The following KLF12 variants were observed in gnomAD, a reference collection of about 807,000 sequenced individuals.
KLF12 encodes Krueppel-like factor 12.
In KLF12, 9 loss-of-function variants were observed where a neutral mutation model predicts 37.8. The observed-to-expected ratio is 0.24, with a 90% CI of 0.14 to 0.42. The LOEUF (loss-of-function observed/expected upper bound fraction) is 0.42. Among genes scored for constraint, KLF12 ranks in the 10% least tolerant of loss-of-function variants. The pLI, the probability that KLF12 is intolerant of heterozygous loss-of-function variation, is 1.00. For missense variants in KLF12, 411 were observed against 516.0 expected, an observed-to-expected ratio of 0.80 and a Z score of 1.97; for synonymous variants, 208 against 202.1, an observed-to-expected ratio of 1.03 and a Z score of -0.25.
intron 3 of KLF12, among the ~76,000 whole-genome samples, chr13:73,909,649 A>T (rs1888478260): frequency 6.6e-6 from 1 of 152,206 alleles, no homozygotes; most frequent in Non-Finnish European, 1.5e-5. Flanking sequence ...GGGAATTTTA[A>T]TAACTGTGAT....
chr13:73,726,583 A>G (rs1159118076), intron 6 of KLF12, among the ~76,000 whole-genome samples: 1 of 152,248 alleles, frequency 6.6e-6, no homozygotes, highest in Non-Finnish European at 1.5e-5. Context: ...ATCAGGGCTC[A>G]TCCACATTGT....
chr13:74,249,359 C>CAG, the KLF12 span, among the ~76,000 whole-genome samples: 1 of 132,014 alleles, frequency 7.6e-6, no homozygotes, highest in Non-Finnish European at 1.6e-5. Flanking sequence ...CACACACACA[C>CAG]ACACACACAC....
chr13:73,908,846 C>T (rs1888439059), intron 3 of KLF12, among the ~76,000 whole-genome samples: 1 of 152,172 alleles, frequency 6.6e-6, no homozygotes. Flanking sequence ...CTATCTGCCC[C>T]ACTCCTCAAA....
chr13:73,808,466 T>A (rs1882761617), intron 5 of KLF12, among the ~76,000 whole-genome samples: 1 of 152,182 alleles, frequency 6.6e-6, no homozygotes, highest in Admixed American at 6.5e-5. Flanking sequence ...CATAAATCTA[T>A]GTAAACAGAG....
chr13:73,720,039 T>C (rs1300690939), intron 6 of KLF12, among the ~76,000 whole-genome samples: 1 of 152,176 alleles, frequency 6.6e-6, no homozygotes, highest in African/African-American at 2.4e-5. Flanking sequence ...TTGCTTACAA[T>C]TAAATTTCTC....
intron 1 of KLF12, among the ~76,000 whole-genome samples, chr13:74,082,163 T>TAAAAAAAAAAAAAAAAAAA (rs57156299): frequency 2.9e-4 from 33 of 114,750 alleles, no homozygotes; most frequent in African/African-American, 1.1e-3. Context: ...CCCTGTCTCT[T>TAAAAAAAAAAAAAAAAAAA]AAAAAAAAAA....
chr13:73,946,099 T>A (rs1275428580), intron 2 of KLF12, among the ~76,000 whole-genome samples: 4 of 152,286 alleles, frequency 2.6e-5, no homozygotes, highest in African/African-American at 9.6e-5. Context: ...GCTCTAGGAA[T>A]CCACCTTAAC....
chr13:73,726,751 T>A (rs11841681), intron 6 of KLF12, among the ~76,000 whole-genome samples: 23,553 of 152,218 alleles, frequency 0.15, 3,032 homozygotes, highest in African/African-American at 0.35. Context: ...GCTATAAACA[T>A]TGTGAACAGT....
intron 6 of KLF12, among the ~76,000 whole-genome samples, chr13:73,716,536 T>C (rs570134822): frequency 3.9e-5 from 6 of 152,172 alleles, no homozygotes; most frequent in Non-Finnish European, 8.8e-5. Context: ...TAAAGATCAA[T>C]TCCCCCCTTG....
intron 2 of KLF12, among the ~76,000 whole-genome samples, chr13:73,954,426 C>CA (rs150423510): frequency 0.037 from 5,622 of 151,392 alleles, 326 homozygotes; most frequent in African/African-American, 0.13. Flanking sequence ...TGTATGTTTC[C>CA]AAAAAAAAGT....
rs769916933 is a variant in KLF12, at chr13:74,109,768, T to C, written c.-32+23971A>G. 1.2e-4 allele frequency among the ~76,000 whole-genome samples: 18 copies of C among 151,980 alleles called. 1 individual carries two copies. Among genetic ancestry groups the C allele is most frequent in the Non-Finnish European group, 2.9e-5 (2 of 67,986 alleles). On this transcript the variant is annotated intron_variant, in intron 1 of 7. Transcript: ENST00000377669. ...ACACCAACAATGACCACTTAAGAAATATAAAGAGCAAGGGGAACATTCACA... is the reference window on the plus strand; with the variant it reads ...ACACCAACAATGACCACTTAAGAAACATAAAGAGCAAGGGGAACATTCACA...
At chr13:74,184,194 T>TAA in the KLF12 span, among the ~76,000 whole-genome samples, 1 of 152,206 alleles carries the variant, frequency 6.6e-6, no homozygotes, top group African/African-American at 2.4e-5. Flanking sequence ...AAAAGGTTTT[T>TAA]AAACACCAAA....
At chr13:74,113,483 A>C (rs1877101388) in intron 1 of KLF12, among the ~76,000 whole-genome samples, 1 of 152,194 alleles carries the variant, frequency 6.6e-6, no homozygotes. Flanking sequence ...AATTATGCTA[A>C]ATCTACCCTG....
At chr13:74,295,442 C>A in the KLF12 span, among the ~76,000 whole-genome samples, 2 of 152,176 alleles carry the variant, frequency 1.3e-5, no homozygotes, top group African/African-American at 2.4e-5. Context: ...CCCTAAGGAG[C>A]CTGAGCCTTT....
the KLF12 span, among the ~76,000 whole-genome samples, chr13:74,256,154 CA>C: frequency 0.08 from 6,015 of 75,518 alleles, 116 homozygotes; most frequent in Middle Eastern, 0.16. Flanking sequence ...GACTCTGTCT[CA>C]AAAAAAAAAA....
At chr13:74,245,707 G>T in the KLF12 span, among the ~76,000 whole-genome samples, 4 of 152,026 alleles carry the variant, frequency 2.6e-5, no homozygotes, top group Admixed American at 2.6e-4. Context: ...TATGAACCTT[G>T]TATCCACTGT....
At chr13:73,882,773 A>G (rs1007205673) in intron 3 of KLF12, among the ~76,000 whole-genome samples, 3 of 152,220 alleles carry the variant, frequency 2.0e-5, no homozygotes, top group Non-Finnish European at 2.9e-5. Context: ...AATTACGAAT[A>G]TTTCAAACCA....
At chr13:74,004,937 C>CAA (rs11346178) in intron 1 of KLF12, among the ~76,000 whole-genome samples, 1 of 121,172 alleles carries the variant, frequency 8.3e-6, no homozygotes, top group African/African-American at 3.1e-5. Context: ...TGTGCACAGA[C>CAA]AAAAAAAAAA....
chr13:74,083,029 C>T (rs1342046443), intron 1 of KLF12, among the ~76,000 whole-genome samples: 2 of 152,228 alleles, frequency 1.3e-5, no homozygotes, highest in African/African-American at 2.4e-5. Flanking sequence ...GGAAGAGTGA[C>T]TTGACAAAGT....
Sources: allele counts gnomAD v4.1 joint callset (sites outside exome capture counted in the v4.1 genomes callset), GRCh38; gene constraint gnomAD v4.1.1; transcripts MANE v1.5; gene names NCBI Gene and HGNC (gene_info 2026-07-23, HGNC 2026-07-21).